The following MSR1 variants were observed in gnomAD, a reference collection of about 807,000 sequenced individuals.
MSR1 encodes the protein macrophage scavenger receptor 1, also known as macrophage scavenger receptor types I and II.
Under a neutral mutation model 47.2 loss-of-function variants are expected in MSR1, and 53 were observed. The ratio of observed to expected loss-of-function variants is 1.12; its 90% CI spans 0.90 to 1.41. The LOEUF (loss-of-function observed/expected upper bound fraction) is 1.41, where lower values mean the gene tolerates loss of function less well. Ranked by LOEUF, MSR1 falls within the 40% of genes most tolerant of loss-of-function variation. The pLI is 0.00. For synonymous variants in MSR1, 239 were observed against 185.6 expected, an observed-to-expected ratio of 1.29 and a Z score of -2.34; for missense variants, 786 against 546.9, an observed-to-expected ratio of 1.44 and a Z score of -4.36.
At chr8:16,156,542 C>T (rs537513118) in intron 5 of MSR1, among the ~76,000 whole-genome samples, 1 of 151,958 alleles carries the variant, frequency 6.6e-6, no homozygotes, top group African/African-American at 2.4e-5. Flanking sequence ...CCTTTCTCCT[C>T]ATATGCAACA....
intron 3 of MSR1, among the ~76,000 whole-genome samples, chr8:16,169,888 TA>T (rs60822646): frequency 0.049 from 7,446 of 151,314 alleles, 566 homozygotes; most frequent in African/African-American, 0.16. Flanking sequence ...TTTCCCAAAT[TA>T]AAAAAAAATT....
chr8:16,154,851 T>C (rs1470058044), intron 6 of MSR1, among the ~76,000 whole-genome samples: 1 of 151,922 alleles, frequency 6.6e-6, no homozygotes, highest in Non-Finnish European at 1.5e-5. Flanking sequence ...GTAATGCTTA[T>C]CATTCAGTGT....
rs567972488 is a variant in MSR1 at position 16,180,864 on chromosome 8, T to C, written c.-4-2872A>G. Among the ~76,000 whole-genome samples, 21 of 152,280 alleles carry C rather than the reference T, an allele frequency of 1.4e-4. 1 individual carries two copies. The South Asian group carries it at 4.4e-3, about 32-fold the overall frequency. On this transcript the variant is annotated intron_variant, in intron 1 of 9. Coordinates refer to ENST00000262101, the MANE Select transcript of MSR1 (RefSeq NM_138715.3). ...GGTTTTCATGAATGCTATGTTGATC[T>C]GACCAAGGACTCTGTTCTTTAATGG...
At position 16,164,262 on chromosome 8, in the gene MSR1, T is replaced by C; in HGVS notation, c.631-11A>G. On this transcript the variant is annotated splice_polypyrimidine_tract_variant and intron_variant, in intron 4 of 9. Transcript: ENST00000262101. ...TAATTTACTGATTTCCTGTAAAACA[T>C]AAGTGAGCATTCACAGCCTTTGTTA... 1 of 1,607,948 alleles carries C rather than the reference T, an allele frequency of 6.2e-7. No individual in the cohort carries two copies. Among genetic ancestry groups the C allele is most frequent in the East Asian group, 2.2e-5 (1 of 44,668 alleles).
intron 1 of MSR1, among the ~76,000 whole-genome samples, chr8:16,180,614 TCTAA>T (rs1263760086): frequency 6.6e-6 from 1 of 152,206 alleles, no homozygotes; most frequent in African/African-American, 2.4e-5. Flanking sequence ...ACAGCACAGT[TCTAA>T]CTGAGTGCAC....
chr8:16,185,455 A>C (rs369314351), intron 1 of MSR1, among the ~76,000 whole-genome samples: 7 of 152,104 alleles, frequency 4.6e-5, no homozygotes, highest in African/African-American at 1.7e-4. Context: ...TACATCATCT[A>C]TTTATTATCA....
Position 16,113,631 on chromosome 8 carries a change from T to A in MSR1, c.1223-3413A>T, listed in dbSNP as rs1025889755. Reference sequence around the variant, plus strand: ...AGAATGGGTCAATATAGCCTATAGTTTGGATTGTAGTTTTGTGCTTATAGA... The same window carrying A: ...AGAATGGGTCAATATAGCCTATAGTATGGATTGTAGTTTTGTGCTTATAGA... On this transcript the variant is annotated intron_variant, in intron 9 of 9. Transcript: ENST00000262101. 4.6e-5 allele frequency among the ~76,000 whole-genome samples: 7 copies of A among 152,112 alleles called. 1 individual carries two copies. The highest frequency in any genetic ancestry group is 2.9e-5 in the Non-Finnish European group (2 of 67,986).
chr8:16,120,852 A>G (rs919235699), intron 8 of MSR1: 33 of 532,658 alleles, frequency 6.2e-5, no homozygotes, highest in African/African-American at 5.3e-4. Flanking sequence ...TGTAAGTTAT[A>G]TATACGAGGA....
chr8:16,156,580 T>C (rs2117149282), intron 5 of MSR1, among the ~76,000 whole-genome samples: 1 of 151,958 alleles, frequency 6.6e-6, no homozygotes, highest in Admixed American at 6.6e-5. Flanking sequence ...TGTATTTTTA[T>C]TATAAAAGCA....
rs138428800 is a variant in MSR1, at chr8:16,173,957, TG to T, written c.217+1229del. Reference sequence around the variant, plus strand: ...AGCCACCGTGCCCAGCTGACTTTTTTGTTTTTTTATTGGCCAACCATGTTGT... The same window carrying T: ...AGCCACCGTGCCCAGCTGACTTTTTTTTTTTTTATTGGCCAACCATGTTGT... On this transcript the variant is annotated intron_variant, in intron 3 of 9. Coordinates refer to ENST00000262101, the MANE Select transcript of MSR1 (RefSeq NM_138715.3). Among the ~76,000 whole-genome samples, 991 of 152,296 alleles carry T rather than the reference TG, an allele frequency of 6.5e-3. 10 individuals are homozygous for T. Among genetic ancestry groups the T allele is most frequent in the African/African-American group, 0.022 (924 of 41,550 alleles).
intron 1 of MSR1, among the ~76,000 whole-genome samples, chr8:16,183,787 TATTA>T (rs1190192799): frequency 2.8e-5 from 4 of 143,556 alleles, no homozygotes; most frequent in African/African-American, 1.0e-4. Flanking sequence ...TATGTTAATA[TATTA>T]TATATTATAT....
chr8:16,189,678 C>A (rs1490222598), intron 1 of MSR1, among the ~76,000 whole-genome samples: 18 of 39,710 alleles, frequency 4.5e-4, no homozygotes, highest in African/African-American at 1.2e-3. Context: ...TATATAAAAT[C>A]TTATTTTATA....
intron 8 of MSR1, among the ~76,000 whole-genome samples, chr8:16,121,705 T>C (rs12114597): frequency 0.032 from 4,882 of 151,798 alleles, 168 homozygotes; most frequent in East Asian, 0.12. Context: ...AAACAAAAGA[T>C]AGCTTTTCAA....
intron 9 of MSR1, among the ~76,000 whole-genome samples, chr8:16,113,036 G>A (rs1024680004): frequency 5.7e-5 from 8 of 139,540 alleles, no homozygotes; most frequent in African/African-American, 1.6e-4. Flanking sequence ...CTGCACTTCC[G>A]CTTCCTGGGT....
chr8:16,166,496 T>C (rs1187695387), intron 4 of MSR1, among the ~76,000 whole-genome samples: 1 of 152,100 alleles, frequency 6.6e-6, no homozygotes, highest in African/African-American at 2.4e-5. Flanking sequence ...CTTTGAAAAC[T>C]GCACATGGTG....
chr8:16,177,803 G>C (rs1333714933), intron 2 of MSR1, 83 bp downstream of exon 2: 1 of 1,041,394 alleles, frequency 9.6e-7, no homozygotes, highest in African/African-American at 1.6e-5. Context: ...TTACATTTAA[G>C]GTAAGTCTCA....
chr8:16,184,170 G>T lies in MSR1; in HGVS notation c.-4-6178C>A, dbSNP rs566807534. Among the ~76,000 whole-genome samples, 6 of 151,576 alleles carry T rather than the reference G, an allele frequency of 4.0e-5. No individual in the cohort carries two copies. In the South Asian group the frequency reaches 1.2e-3, roughly 31 times the overall value. On this transcript the variant is annotated intron_variant, in intron 1 of 9. Transcript: ENST00000262101. ...TTTATTTTTAATATGCCTTACTTAG[G>T]TTAAGAGAAAACAAAGATTTAAAAA... is the stretch of plus-strand genomic sequence containing the variant.
intron 1 of MSR1, among the ~76,000 whole-genome samples, chr8:16,189,196 C>T (rs575439190): frequency 3.5e-4 from 47 of 135,538 alleles, no homozygotes; most frequent in Non-Finnish European, 5.9e-4. Context: ...ATACGTAAAA[C>T]CTTATTTTAT....
chr8:16,166,936 TACACACACACACAC>T (rs5889636), intron 4 of MSR1, among the ~76,000 whole-genome samples: 4 of 146,970 alleles, frequency 2.7e-5, no homozygotes, highest in Non-Finnish European at 6.0e-5. Context: ...TACACAGGAG[TACACACACACACAC>T]ACACACACAC....
Sources: allele counts gnomAD v4.1 joint callset (sites outside exome capture counted in the v4.1 genomes callset), GRCh38; gene constraint gnomAD v4.1.1; transcripts MANE v1.5; gene names NCBI Gene and HGNC (gene_info 2026-07-23, HGNC 2026-07-21).